The following SLC35F1 variants were observed in gnomAD, a reference collection of about 807,000 sequenced individuals.
The protein encoded by SLC35F1 is chromosome 6 open reading frame 169.
In SLC35F1, 14 loss-of-function variants were observed where a neutral mutation model predicts 48.7. That is an observed-to-expected ratio of 0.29 (90% CI 0.19 to 0.45). The LOEUF is 0.45. Among genes scored for constraint, SLC35F1 ranks in the 20% least tolerant of loss-of-function variants. The pLI, the probability that SLC35F1 is intolerant of heterozygous loss-of-function variation, is 1.00. For synonymous variants in SLC35F1, 190 were observed against 202.2 expected, an observed-to-expected ratio of 0.94 and a Z score of 0.51; for missense variants, 404 against 500.0, an observed-to-expected ratio of 0.81 and a Z score of 1.83.
intron 1 of SLC35F1, among the ~76,000 whole-genome samples, chr6:117,974,873 A>G (rs1419377967): frequency 2.0e-5 from 3 of 152,264 alleles, no homozygotes; most frequent in Admixed American, 1.3e-4. Context: ...CTGACTTAAT[A>G]GAAGACAAGT....
intron 2 of SLC35F1, among the ~76,000 whole-genome samples, chr6:118,207,969 T>C (rs1774956770): frequency 6.6e-6 from 1 of 152,066 alleles, no homozygotes; most frequent in Admixed American, 6.5e-5. Context: ...CTGTTCTGAG[T>C]AGAAAGCTGG....
At chr6:118,012,499 A>G (rs892059043) in intron 1 of SLC35F1, among the ~76,000 whole-genome samples, 1 of 152,044 alleles carries the variant, frequency 6.6e-6, no homozygotes, top group Non-Finnish European at 1.5e-5. Flanking sequence ...ATGCTTTGAG[A>G]GCCATGCTTG....
At chr6:118,104,805 T>C (rs1773307547) in intron 1 of SLC35F1, among the ~76,000 whole-genome samples, 1 of 152,208 alleles carries the variant, frequency 6.6e-6, no homozygotes, top group African/African-American at 2.4e-5. Flanking sequence ...CTGCTTGTTC[T>C]CATCTCTCTG....
chr6:118,090,703 T>C (rs1056140425), intron 1 of SLC35F1, among the ~76,000 whole-genome samples: 1 of 152,178 alleles, frequency 6.6e-6, no homozygotes, highest in Non-Finnish European at 1.5e-5. Flanking sequence ...AGTGTTGCTT[T>C]CTAGAGCATA....
chr6:118,160,086 C>T (rs1774208114), intron 2 of SLC35F1, among the ~76,000 whole-genome samples: 1 of 152,146 alleles, frequency 6.6e-6, no homozygotes. Context: ...CTCTGTTTTC[C>T]TCCTCAATTT....
rs553986155 is a variant in SLC35F1, at chr6:118,115,886, G to A, written c.174-38559G>A. Reference sequence around the variant, plus strand: ...ACATTTGGCTAAAGTTAGAAAAAGCGTTAATGTTAAAAAGTTAATATAGTT... The same window carrying A: ...ACATTTGGCTAAAGTTAGAAAAAGCATTAATGTTAAAAAGTTAATATAGTT... On this transcript the variant is annotated intron_variant, in intron 1 of 7. Coordinates refer to ENST00000360388, the MANE Select transcript of SLC35F1 (RefSeq NM_001029858.4). Among the ~76,000 whole-genome samples the A allele has an allele frequency of 5.9e-5, 9 of 152,294 alleles. 1 individual carries two copies. Among genetic ancestry groups the A allele is most frequent in the Admixed American group, 2.6e-4 (4 of 15,298 alleles).
intron 1 of SLC35F1, among the ~76,000 whole-genome samples, chr6:117,972,299 C>A (rs997670512): frequency 6.6e-6 from 1 of 152,152 alleles, no homozygotes; most frequent in African/African-American, 2.4e-5. Context: ...TTGGTCAAAG[C>A]CATTCAACAA....
chr6:117,925,822 C>T (rs1318749252), intron 1 of SLC35F1, among the ~76,000 whole-genome samples: 1 of 152,060 alleles, frequency 6.6e-6, no homozygotes, highest in Non-Finnish European at 1.5e-5. Flanking sequence ...GTCTGTATAT[C>T]CATACCAGTC....
intron 1 of SLC35F1, among the ~76,000 whole-genome samples, chr6:118,042,000 G>A (rs183772226): frequency 6.6e-6 from 1 of 151,280 alleles, no homozygotes; most frequent in East Asian, 1.9e-4. Context: ...ACACATAGCT[G>A]TCCCCATATG....
At chr6:118,050,379 CAA>C (rs199829799) in intron 1 of SLC35F1, among the ~76,000 whole-genome samples, 1 of 139,530 alleles carries the variant, frequency 7.2e-6, no homozygotes, top group Admixed American at 7.1e-5. Flanking sequence ...AATAAAATTT[CAA>C]AAAAAAAAAA....
Position 117,907,476 on chromosome 6 carries a change from G to A in SLC35F1, c.-251G>A. On this transcript the variant is annotated 5_prime_UTR_variant, in exon 1 of 8. Transcript: ENST00000360388. The stretch of plus-strand genomic sequence containing the variant: ...GACTTGGGGACGCGGCTCGGGAAGA[G>A]CCGGGGCGGGCGGCGGCGGCGGCGG... 1 of 261,530 alleles carries A rather than the reference G, an allele frequency of 3.8e-6. No homozygotes were observed. The highest frequency in any genetic ancestry group is 7.1e-6 in the Non-Finnish European group (1 of 141,136). The allele number at this position is 261,530 out of a possible 1,614,324, so 16.2% of individuals were successfully genotyped here. A position where few individuals can be genotyped will look rare whatever the true frequency, so the allele number is the denominator to read the frequency against.
chr6:117,908,311 G>A (rs1281642093), intron 1 of SLC35F1, among the ~76,000 whole-genome samples: 1 of 152,210 alleles, frequency 6.6e-6, no homozygotes, highest in African/African-American at 2.4e-5. Flanking sequence ...CTGCAGAGAT[G>A]GCGTGGAAGT....
At position 117,966,131 on chromosome 6, in the gene SLC35F1, G is replaced by GCCCCCCCCCCCCC. The variant is rs35420310; in HGVS notation, c.173+58243_173+58244insCCCCCCCCCCCCC. Among the ~76,000 whole-genome samples the GCCCCCCCCCCCCC allele has an allele frequency of 1.2e-3, 125 of 101,072 alleles. 14 individuals are homozygous for GCCCCCCCCCCCCC. The highest frequency in any genetic ancestry group is 2.0e-3 in the Non-Finnish European group (99 of 49,100). 66.3% of individuals were successfully genotyped at this position (101,072 alleles called of 152,430 possible). A position where few individuals can be genotyped will look rare whatever the true frequency, so the allele number is the denominator to read the frequency against. ...AATAAGGGAATAAAAGCAGGCCACCGCCCCCCCCCCCACTCCCGCCCCGCC... is the reference window on the plus strand; with the variant it reads ...AATAAGGGAATAAAAGCAGGCCACCGCCCCCCCCCCCCCCCCCCCCCCCCACTCCCGCCCCGCC... On this transcript the variant is annotated intron_variant, in intron 1 of 7. Transcript: ENST00000360388.
intron 7 of SLC35F1, among the ~76,000 whole-genome samples, chr6:118,303,442 AG>A (rs1469429508): frequency 6.6e-6 from 1 of 152,206 alleles, no homozygotes; most frequent in East Asian, 1.9e-4. Context: ...AATTGGGCCA[AG>A]GGCCAAGGCC....
At chr6:117,973,232 T>C (rs562410695) in intron 1 of SLC35F1, among the ~76,000 whole-genome samples, 1 of 152,260 alleles carries the variant, frequency 6.6e-6, no homozygotes, top group Non-Finnish European at 1.5e-5. Flanking sequence ...CTCTCTCTTC[T>C]TATAAAGACA....
At chr6:117,941,186 A>G (rs1189505498) in intron 1 of SLC35F1, among the ~76,000 whole-genome samples, 2 of 152,170 alleles carry the variant, frequency 1.3e-5, no homozygotes, top group African/African-American at 2.4e-5. Flanking sequence ...TGATTTATAG[A>G]TTCCATATTA....
chr6:118,025,052 C>T (rs6901514), intron 1 of SLC35F1, among the ~76,000 whole-genome samples: 140,859 of 152,268 alleles, frequency 0.93, 66,152 homozygotes, highest in East Asian at 1. Context: ...TACATGAGTA[C>T]AATTAATTGA....
At chr6:117,918,105 G>A (rs985433233) in intron 1 of SLC35F1, among the ~76,000 whole-genome samples, 1 of 152,102 alleles carries the variant, frequency 6.6e-6, no homozygotes, top group African/African-American at 2.4e-5. Flanking sequence ...TCAGAGGAGT[G>A]GTGCAGCTGG....
intron 1 of SLC35F1, among the ~76,000 whole-genome samples, chr6:118,022,048 A>G (rs537721873): frequency 6.6e-6 from 1 of 152,290 alleles, no homozygotes; most frequent in South Asian, 2.1e-4. Context: ...TTCCAGGGGG[A>G]AAAGAAACAG....
Sources: gnomAD v4.1 joint callset for allele counts (sites outside exome capture counted in the v4.1 genomes callset) on GRCh38, gnomAD v4.1.1 for gene constraint, MANE v1.5 for transcripts, NCBI Gene and HGNC (gene_info 2026-07-23, HGNC 2026-07-21) for gene names.